VCF2: variants seen among roughly 807,000 people sequenced by gnomAD.
VCF2 encodes the protein VCP nuclear cofactor family member 2.
At chrX:55,160,961 G>T in the VCF2 span, 10,838 of 1,163,032 alleles carry the variant, frequency 9.3e-3, 43 homozygotes, top group Non-Finnish European at 0.011. Flanking sequence ...CGCGCCACCG[G>T]CCAACACTGT....
the VCF2 span, among the ~76,000 whole-genome samples, chrX:55,144,087 G>A: frequency 9.0e-6 from 1 of 111,108 alleles, no homozygotes; most frequent in African/African-American, 3.3e-5. Context: ...TTGTCATGGT[G>A]ACAGTTTTAT....
chrX:55,151,674 A>C, the VCF2 span, among the ~76,000 whole-genome samples: 1 of 111,869 alleles, frequency 8.9e-6, no homozygotes. Context: ...GAGAGAAAAA[A>C]TATGTTTCAA....
At chrX:55,159,324 C>T in the VCF2 span, 10 of 650,278 alleles carry the variant, frequency 1.5e-5, no homozygotes, top group Middle Eastern at 4.1e-4. Flanking sequence ...TATATGAGAA[C>T]TTGTCTGAAA....
the VCF2 span, among the ~76,000 whole-genome samples, chrX:55,155,832 T>C: frequency 3.6e-5 from 4 of 111,033 alleles, no homozygotes; most frequent in Non-Finnish European, 7.6e-5. Context: ...TTACAGAATA[T>C]CTTCACAAAA....
chrX:55,159,281 G>T, the VCF2 span: 2 of 1,015,425 alleles, frequency 2.0e-6, no homozygotes, highest in South Asian at 4.3e-5. Flanking sequence ...TGATCTTTTG[G>T]ATGCTTAAAT....
chrX:55,157,895 T>A, the VCF2 span, among the ~76,000 whole-genome samples: 1 of 112,573 alleles, frequency 8.9e-6, no homozygotes, highest in African/African-American at 3.2e-5. Context: ...GACACACTTG[T>A]ACAGAAATGT....
the VCF2 span, chrX:55,145,584 TG>T: frequency 1.3e-6 from 1 of 756,340 alleles, no homozygotes; most frequent in South Asian, 6.7e-5. Flanking sequence ...TTCATTTCAG[TG>T]CAAGACTGAA....
At chrX:55,158,189 T>C in the VCF2 span, among the ~76,000 whole-genome samples, 1 of 112,407 alleles carries the variant, frequency 8.9e-6, no homozygotes, top group Non-Finnish European at 1.9e-5. Context: ...TTTTCTCATC[T>C]TGCTCAAAAG....
the VCF2 span, chrX:55,146,010 A>C: frequency 8.8e-7 from 1 of 1,138,548 alleles, no homozygotes. Context: ...TTAAAAACCA[A>C]TAGACTTTTT....
chrX:55,151,281 G>A, the VCF2 span, among the ~76,000 whole-genome samples: 1 of 112,304 alleles, frequency 8.9e-6, no homozygotes, highest in Non-Finnish European at 1.9e-5. Context: ...GACTTATAGA[G>A]CCAATAAAAT....
chrX:55,149,174 GT>G, the VCF2 span, among the ~76,000 whole-genome samples: 3,563 of 90,104 alleles, frequency 0.04, 151 homozygotes, highest in African/African-American at 0.11. Flanking sequence ...ACTGCAGGAG[GT>G]TTTTTTTTTT....
the VCF2 span, chrX:55,143,267 A>G: frequency 8.9e-6 from 1 of 112,093 alleles, no homozygotes; most frequent in Non-Finnish European, 1.9e-5. Context: ...AGAGGGAGAA[A>G]CAAAGACAAT....
chrX:55,145,815 T>G, the VCF2 span: 1 of 879,597 alleles, frequency 1.1e-6, no homozygotes, highest in African/African-American at 2.1e-5. Flanking sequence ...ACAGGAGAAG[T>G]TTCCTCATAT....
At chrX:55,145,029 C>A in the VCF2 span, among the ~76,000 whole-genome samples, 1 of 112,630 alleles carries the variant, frequency 8.9e-6, no homozygotes, top group African/African-American at 3.2e-5. Context: ...GGGACCCCCC[C>A]ATCTCTAAAT....
At chrX:55,147,479 T>C in the VCF2 span, among the ~76,000 whole-genome samples, 1 of 110,345 alleles carries the variant, frequency 9.1e-6, no homozygotes, top group African/African-American at 3.3e-5. Context: ...AAAAAGAAAA[T>C]TAAAAAAAAA....
the VCF2 span, chrX:55,143,650 ATGAG>A: frequency 2.3e-6 from 1 of 440,233 alleles, no homozygotes; most frequent in Non-Finnish European, 4.1e-6. Flanking sequence ...CATGCAGGAA[ATGAG>A]TGAGTTTCAC....
chrX:55,155,887 A>G, the VCF2 span, among the ~76,000 whole-genome samples: 1 of 110,208 alleles, frequency 9.1e-6, no homozygotes, highest in Non-Finnish European at 1.9e-5. Context: ...AAAATTATAT[A>G]ACACTTTTTA....
At chrX:55,158,199 G>A in the VCF2 span, among the ~76,000 whole-genome samples, 39 of 112,253 alleles carry the variant, frequency 3.5e-4, 1 homozygote, top group South Asian at 0.014. Flanking sequence ...TTGCTCAAAA[G>A]AGGGCAAGGT....
At chrX:55,143,440 G>GA in the VCF2 span, 1 of 130,574 alleles carries the variant, frequency 7.7e-6, no homozygotes, top group Non-Finnish European at 1.5e-5. Flanking sequence ...GCTGGTCACA[G>GA]AAAAGTGGGC....
Sources: allele counts gnomAD v4.1 joint callset (sites outside exome capture counted in the v4.1 genomes callset), GRCh38; gene constraint gnomAD v4.1.1; transcripts MANE v1.5; gene names NCBI Gene and HGNC (gene_info 2026-07-23, HGNC 2026-07-21).